Variants in ZFHX4 observed in about 807,000 individuals in gnomAD.
The protein encoded by ZFHX4 is zinc finger homeobox protein 4.
Under a neutral mutation model 267.6 loss-of-function variants are expected in ZFHX4, and 56 were observed. That is an observed-to-expected ratio of 0.21 (90% CI 0.17 to 0.26). ZFHX4 has a LOEUF of 0.26. ZFHX4 is among the 10% of genes least tolerant of loss of function. The probability of loss-of-function intolerance (pLI) is 1.00; values close to 1 mark genes in which losing one functional copy is unlikely to be tolerated. For missense variants in ZFHX4, 4,332 were observed against 4,420.0 expected, an observed-to-expected ratio of 0.98 and a Z score of 0.56; for synonymous variants, 1,778 against 1,665.6, an observed-to-expected ratio of 1.07 and a Z score of -1.64.
In ZFHX4 at chr8:76,689,863, C is replaced by A. The variant is rs536849419; in HGVS notation, c.-47+8243C>A. 8.5e-5 allele frequency among the ~76,000 whole-genome samples: 13 copies of A among 152,152 alleles called. 1 individual carries two copies. In the East Asian group the frequency reaches 2.1e-3, roughly 25 times the overall value. ...TGGCACTAAAGTCATATTTAGTAAG[C>A]AGCTTATCTCTAATATAATTAACCA... On this transcript the variant is annotated intron_variant, in intron 1 of 10. Transcript: ENST00000651372.
Position 76,852,440 on chromosome 8 carries a change from A to G in ZFHX4, c.5519A>G (p.Asn1840Ser). ...ASKLLKQEQSNIVSADCQIMK... is the reference protein window; with the variant it reads ...ASKLLKQEQSSIVSADCQIMK... ...AAATTATTGAAACAAGAGCAAAGTAACATAGTGAGTGCAGACTGCCAAATC... is the reference window on the plus strand; with the variant it reads ...AAATTATTGAAACAAGAGCAAAGTAGCATAGTGAGTGCAGACTGCCAAATC... The change falls in exon 10 of 11, where the codon AAC becomes AGC. Residue 1840 changes from asparagine to serine, a missense_variant. By Grantham distance (46) the Asn-to-Ser change is conservative. Around this residue, in one of 7 missense-constraint regions of ZFHX4, gnomAD observed 1,371 missense variants for 1,423.1 expected, o/e 0.96. Transcript: ENST00000651372. 1 of 1,562,712 alleles carries G rather than the reference A, an allele frequency of 6.4e-7. No homozygotes were observed. Among genetic ancestry groups the G allele is most frequent in the Non-Finnish European group, 8.7e-7 (1 of 1,153,118 alleles).
At chr8:76,837,017 T>C (rs1422639079) in intron 5 of ZFHX4, among the ~76,000 whole-genome samples, 3 of 151,838 alleles carry the variant, frequency 2.0e-5, no homozygotes, top group Non-Finnish European at 4.4e-5. Flanking sequence ...GTTGGGGAAA[T>C]GGAGTAAGAT....
intron 3 of ZFHX4, among the ~76,000 whole-genome samples, chr8:76,740,861 C>T (rs1333792185): frequency 6.6e-6 from 1 of 152,088 alleles, no homozygotes; most frequent in Non-Finnish European, 1.5e-5. Flanking sequence ...CAGTTTGTAG[C>T]ACATTTGTGT....
intron 4 of ZFHX4, among the ~76,000 whole-genome samples, chr8:76,817,321 T>A (rs1811532372): frequency 6.6e-6 from 1 of 152,200 alleles, no homozygotes; most frequent in Non-Finnish European, 1.5e-5. Flanking sequence ...AGCAGCGTTT[T>A]CACACTCAGT....
chr8:76,758,887 C>T (rs961848608), intron 3 of ZFHX4, among the ~76,000 whole-genome samples: 1 of 152,114 alleles, frequency 6.6e-6, no homozygotes, highest in African/African-American at 2.4e-5. Context: ...CCCTGTTAAA[C>T]AACTGTTTTC....
intron 3 of ZFHX4, among the ~76,000 whole-genome samples, chr8:76,769,183 G>T (rs540219899): frequency 3.9e-5 from 6 of 152,224 alleles, no homozygotes; most frequent in African/African-American, 1.2e-4. Flanking sequence ...GTCAAATATT[G>T]CAGGGGGACT....
chr8:76,837,832 G>A (rs1298348307), intron 5 of ZFHX4, among the ~76,000 whole-genome samples: 2 of 152,282 alleles, frequency 1.3e-5, no homozygotes, highest in Admixed American at 6.5e-5. Flanking sequence ...GGGGAAAATA[G>A]CATTTATCCA....
chr8:76,839,862 G>A (rs1403162779), intron 5 of ZFHX4, among the ~76,000 whole-genome samples: 1 of 152,066 alleles, frequency 6.6e-6, no homozygotes, highest in Non-Finnish European at 1.5e-5. Context: ...CCCTTAACCC[G>A]AGTTCTAACC....
Position 76,863,133 on chromosome 8 carries a change from C to T in ZFHX4, c.9419C>T (p.Thr3140Ile). ...PPGAGMLGFP[T>I]SATSSPALSL... ...GGTGCAGGCATGCTTGGGTTTCCTA[C>T]TTCAGCTACTTCGTCTCCTGCCCTG... Residue 3140 changes from threonine to isoleucine, a missense_variant, in exon 11 of 11, where the codon ACT becomes ATT. Coordinates refer to ENST00000651372, the MANE Select transcript of ZFHX4 (RefSeq NM_024721.5). 6.5e-7 allele frequency: 1 copy of T among 1,537,296 alleles called. No homozygotes were observed. The highest frequency in any genetic ancestry group is 8.8e-7 in the Non-Finnish European group (1 of 1,141,120).
intron 4 of ZFHX4, among the ~76,000 whole-genome samples, chr8:76,820,862 A>T (rs954254120): frequency 6.6e-6 from 1 of 152,202 alleles, no homozygotes; most frequent in African/African-American, 2.4e-5. Context: ...AAAAATGATT[A>T]CAGTCACTGT....
intron 4 of ZFHX4, among the ~76,000 whole-genome samples, chr8:76,806,832 CTT>C (rs748791796): frequency 2.0e-5 from 3 of 151,866 alleles, no homozygotes; most frequent in Non-Finnish European, 4.4e-5. Context: ...ATAAAGATGC[CTT>C]TTTCACCTCT....
chr8:76,789,831 G>A (rs1585946970), intron 4 of ZFHX4, among the ~76,000 whole-genome samples: 1 of 152,070 alleles, frequency 6.6e-6, no homozygotes, highest in Non-Finnish European at 1.5e-5. Context: ...GTAAATAAAT[G>A]TGCATATGCA....
chr8:76,853,730 T>C lies in ZFHX4; in HGVS notation c.6809T>C (p.Ile2270Thr), dbSNP rs1812615772. The C allele has an allele frequency of 6.2e-7, 1 of 1,613,772 alleles. No homozygotes were observed. ...STVLNLPTRV[I>T]VVWFQNARQK... The stretch of plus-strand genomic sequence containing the variant: ...GTTCTCAATCTGCCTACCCGGGTTA[T>C]TGTTGTATGGTTCCAGAATGCTCGT... Residue 2270 changes from isoleucine (I) to threonine (T), a missense_variant, in exon 10 of 11, where the codon ATT becomes ACT. Coordinates refer to ENST00000651372, the MANE Select transcript of ZFHX4 (RefSeq NM_024721.5).
At chr8:76,714,150 G>A (rs1400578326) in intron 3 of ZFHX4, among the ~76,000 whole-genome samples, 1 of 152,166 alleles carries the variant, frequency 6.6e-6, no homozygotes, top group Non-Finnish European at 1.5e-5. Context: ...AGACAAAGGT[G>A]TTCTCTCATA....
intron 4 of ZFHX4, among the ~76,000 whole-genome samples, chr8:76,780,889 T>A (rs1274142134): frequency 2.0e-5 from 3 of 152,112 alleles, no homozygotes; most frequent in Non-Finnish European, 2.9e-5. Context: ...AAGTACCAGA[T>A]TTTGTTTTAC....
At chr8:76,797,052 A>G (rs1457316045) in intron 4 of ZFHX4, among the ~76,000 whole-genome samples, 2 of 152,152 alleles carry the variant, frequency 1.3e-5, no homozygotes, top group Admixed American at 1.3e-4. Context: ...GAAACCACTC[A>G]TGTCCGCAGC....
In ZFHX4 at chr8:76,813,419, T is replaced by C. The variant is rs191932669; in HGVS notation, c.3326-19919T>C. Among the ~76,000 whole-genome samples, 193 of 152,254 alleles carry C rather than the reference T, an allele frequency of 1.3e-3. 1 individual carries two copies. In the South Asian group the frequency reaches 0.016, roughly 13 times the overall value. ...TCATTGTTTTCATATTTCTCTTAGGTATTTAGGTGATAAAATTTGTGGTTG... is the reference window on the plus strand; with the variant it reads ...TCATTGTTTTCATATTTCTCTTAGGCATTTAGGTGATAAAATTTGTGGTTG... On this transcript the variant is annotated intron_variant, in intron 4 of 10. Coordinates refer to ENST00000651372, the MANE Select transcript of ZFHX4 (RefSeq NM_024721.5).
At chr8:76,688,618 C>G (rs565716791) in intron 1 of ZFHX4, among the ~76,000 whole-genome samples, 1 of 152,250 alleles carries the variant, frequency 6.6e-6, no homozygotes, top group East Asian at 1.9e-4. Context: ...GATCAACACT[C>G]TTAATGATGT....
In ZFHX4 at chr8:76,864,519, T is replaced by C; in HGVS notation, c.10805T>C (p.Leu3602Pro). The C allele has an allele frequency of 1.2e-6, 2 of 1,612,470 alleles. No homozygotes were observed. The highest frequency in any genetic ancestry group is 1.7e-6 in the Non-Finnish European group (2 of 1,179,292). Residue 3602 changes from leucine (L) to proline (P), a missense_variant, in exon 11 of 11, where the codon CTA becomes CCA. This residue lies in a region of ZFHX4 where 1,648 missense variants were observed against 1,625.0 expected (regional missense o/e 1.01). Transcript: ENST00000651372. ...LEVKAKPASG[L>P]DGNFNSIRMD... ...GTGAAGGCTAAGCCTGCTTCTGGCC[T>C]AGATGGTAATTTCAATAGCATCCGA... is the stretch of plus-strand genomic sequence containing the variant.
Sources: gnomAD v4.1 joint callset for allele counts (sites outside exome capture counted in the v4.1 genomes callset) on GRCh38, gnomAD v4.1.1 for gene constraint, gnomAD v4.1.1 regional missense constraint, MANE v1.5 for transcripts, NCBI Gene and HGNC (gene_info 2026-07-23, HGNC 2026-07-21) for gene names.